The following LRP1B variants were observed in gnomAD, a reference collection of about 807,000 sequenced individuals.
The protein encoded by LRP1B is LDL receptor related protein 1B, also known as low-density lipoprotein receptor-related protein 1B.
A neutral mutation model predicts 556.6 loss-of-function variants in LRP1B; 217 were observed. That is an observed-to-expected ratio of 0.39 (90% CI 0.35 to 0.44). The LOEUF (loss-of-function observed/expected upper bound fraction) is 0.44. LRP1B is among the 20% of genes least tolerant of loss of function. The probability of loss-of-function intolerance (pLI) is 1.00; values close to 1 mark genes in which losing one functional copy is unlikely to be tolerated. For missense variants in LRP1B, 5,053 were observed against 5,620.8 expected, an observed-to-expected ratio of 0.90 and a Z score of 3.23; for synonymous variants, 2,047 against 1,865.8, an observed-to-expected ratio of 1.10 and a Z score of -2.50.
chr2:141,576,771 A>T (rs1342296657), intron 2 of LRP1B, among the ~76,000 whole-genome samples: 2 of 117,022 alleles, frequency 1.7e-5, no homozygotes, highest in Admixed American at 8.8e-5. Flanking sequence ...AAAAAAAAAA[A>T]GCTTCAGTCT....
At chr2:141,288,879 T>C (rs747715723) in intron 3 of LRP1B, among the ~76,000 whole-genome samples, 1 of 152,180 alleles carries the variant, frequency 6.6e-6, no homozygotes, top group Non-Finnish European at 1.5e-5. Flanking sequence ...ATCCCTACTG[T>C]GGTGCAGTTC....
intron 41 of LRP1B, among the ~76,000 whole-genome samples, chr2:140,607,625 C>T (rs1042755038): frequency 2.8e-5 from 2 of 71,676 alleles, no homozygotes; most frequent in Non-Finnish European, 5.5e-5. Context: ...ACTCGACCCC[C>T]TCTCTTTACA....
chr2:140,262,130 A>C (rs190719975), intron 86 of LRP1B, among the ~76,000 whole-genome samples: 1 of 152,226 alleles, frequency 6.6e-6, no homozygotes, highest in Admixed American at 6.5e-5. Flanking sequence ...AATATTTGCT[A>C]CTTGACTACA....
At chr2:141,267,680 G>T (rs1389123338) in intron 3 of LRP1B, among the ~76,000 whole-genome samples, 1 of 152,160 alleles carries the variant, frequency 6.6e-6, no homozygotes, top group African/African-American at 2.4e-5. Context: ...AAATTTACCA[G>T]AGGGACCTGA....
intron 1 of LRP1B, among the ~76,000 whole-genome samples, chr2:142,035,713 C>T (rs2105205361): frequency 6.6e-6 from 1 of 151,696 alleles, no homozygotes; most frequent in Middle Eastern, 3.4e-3. Context: ...TACTCTGAAA[C>T]CCACAAACCA....
At chr2:142,007,912 C>G (rs1027757900) in intron 1 of LRP1B, among the ~76,000 whole-genome samples, 4 of 152,252 alleles carry the variant, frequency 2.6e-5, no homozygotes, top group African/African-American at 9.6e-5. Flanking sequence ...ATCCCTACTT[C>G]GTTCAATTGT....
chr2:140,724,512 T>G (rs1687520612), intron 35 of LRP1B, among the ~76,000 whole-genome samples: 1 of 152,164 alleles, frequency 6.6e-6, no homozygotes, highest in African/African-American at 2.4e-5. Flanking sequence ...ACAACAGTGC[T>G]CTATCCCAAA....
intron 45 of LRP1B, among the ~76,000 whole-genome samples, chr2:140,539,551 T>C (rs956245110): frequency 1.3e-5 from 2 of 152,094 alleles, no homozygotes; most frequent in African/African-American, 2.4e-5. Flanking sequence ...GACAGTTGTA[T>C]TGAAGGTATT....
In LRP1B at chr2:141,968,770, G is replaced by C. The variant is rs1701637170; in HGVS notation, c.83-158369C>G. On this transcript the variant is annotated intron_variant, in intron 1 of 90. Coordinates refer to ENST00000389484, the MANE Select transcript of LRP1B (RefSeq NM_018557.3). ...ACATGTGCCCCCTTGCTCTGGTTTG[G>C]TGGTGTGCTACACAAGTTCACCCTT... Among the ~76,000 whole-genome samples, 5 of 151,546 alleles carry C rather than the reference G, an allele frequency of 3.3e-5. No individual in the cohort carries two copies. In the South Asian group the frequency reaches 1.0e-3, roughly 31 times the overall value.
intron 2 of LRP1B, among the ~76,000 whole-genome samples, chr2:141,549,615 T>G (rs895980914): frequency 6.6e-5 from 10 of 152,174 alleles, no homozygotes; most frequent in Admixed American, 2.0e-4. Flanking sequence ...AAAAACAGCC[T>G]TAGTAGCCAG....
intron 41 of LRP1B, among the ~76,000 whole-genome samples, chr2:140,620,880 T>A (rs1278535703): frequency 2.0e-5 from 3 of 152,080 alleles, no homozygotes; most frequent in Non-Finnish European, 4.4e-5. Flanking sequence ...AAAATTAACA[T>A]GAAGTTAACA....
chr2:140,248,077 G>A (rs1308081995), intron 86 of LRP1B, among the ~76,000 whole-genome samples: 2 of 151,584 alleles, frequency 1.3e-5, no homozygotes, highest in African/African-American at 4.8e-5. Context: ...TCTGGGCATG[G>A]TGGGCCAAAC....
In LRP1B at chr2:141,367,888, A is replaced by G. The variant is rs4954901; in HGVS notation, c.343+112508T>C. On this transcript the variant is annotated intron_variant, in intron 3 of 90. Coordinates refer to ENST00000389484, the MANE Select transcript of LRP1B (RefSeq NM_018557.3). ...AGACCATATTTAGCAAAGTAACAGAACTCTTGTCAAAATAGATCATCATAA... is the reference window on the plus strand; with the variant it reads ...AGACCATATTTAGCAAAGTAACAGAGCTCTTGTCAAAATAGATCATCATAA... Among the ~76,000 whole-genome samples, 758 of 151,710 alleles carry G rather than the reference A, an allele frequency of 5.0e-3. 9 individuals carry two copies. Among genetic ancestry groups the G allele is most frequent in the African/African-American group, 0.018 (732 of 41,364 alleles).
intron 1 of LRP1B, among the ~76,000 whole-genome samples, chr2:141,955,546 T>A (rs181244177): frequency 6.6e-6 from 1 of 152,172 alleles, no homozygotes; most frequent in East Asian, 1.9e-4. Flanking sequence ...CAACCCTACG[T>A]TGAGTCCTGG....
At chr2:140,533,977 A>C in intron 47 of LRP1B, 44 bp downstream of exon 47, 1 of 1,608,906 alleles carries the variant, frequency 6.2e-7, no homozygotes, top group Non-Finnish European at 8.5e-7. Context: ...TTCAGGAAAC[A>C]CTTAGCACAC....
chr2:141,764,628 A>G (rs1024655087), intron 2 of LRP1B, among the ~76,000 whole-genome samples: 1 of 152,092 alleles, frequency 6.6e-6, no homozygotes, highest in African/African-American at 2.4e-5. Context: ...CCCTGCTGAC[A>G]CCCTGATCTT....
intron 23 of LRP1B, among the ~76,000 whole-genome samples, chr2:140,896,799 T>C (rs1319307929): frequency 2.6e-5 from 2 of 75,728 alleles, no homozygotes; most frequent in African/African-American, 1.0e-4. Context: ...GCTATCATCA[T>C]TTTTTTTTCT....
chr2:142,108,882 T>C (rs1329736602), intron 1 of LRP1B, among the ~76,000 whole-genome samples: 1 of 152,206 alleles, frequency 6.6e-6, no homozygotes, highest in Non-Finnish European at 1.5e-5. Context: ...ACCTGAGACC[T>C]AGTTATATTT....
intron 43 of LRP1B, among the ~76,000 whole-genome samples, chr2:140,565,275 T>G (rs1480045425): frequency 2.1e-5 from 3 of 144,336 alleles, no homozygotes; most frequent in African/African-American, 7.6e-5. Context: ...AAAAATTGTT[T>G]TATATATCAT....
Sources: gnomAD v4.1 joint callset for allele counts (sites outside exome capture counted in the v4.1 genomes callset) on GRCh38, gnomAD v4.1.1 for gene constraint, MANE v1.5 for transcripts, NCBI Gene and HGNC (gene_info 2026-07-23, HGNC 2026-07-21) for gene names.